SLC24A2: variants seen among roughly 807,000 people sequenced by gnomAD.
SLC24A2 encodes the protein sodium/potassium/calcium exchanger 2.
Under a neutral mutation model 62.0 loss-of-function variants are expected in SLC24A2, and 36 were observed. That is an observed-to-expected ratio of 0.58 (90% confidence interval 0.44 to 0.77). The LOEUF (loss-of-function observed/expected upper bound fraction) is 0.77, where lower values mean the gene tolerates loss of function less well. SLC24A2 is among the 30% of genes least tolerant of loss of function. The pLI is 0.00. For synonymous variants in SLC24A2, 358 were observed against 294.0 expected (o/e 1.22, Z -2.23); for missense variants, 846 against 817.9 (o/e 1.03, Z -0.42).
intron 4 of SLC24A2, among the ~76,000 whole-genome samples, chr9:19,604,971 T>C (rs1308125879): frequency 6.6e-6 from 1 of 152,242 alleles, no homozygotes; most frequent in African/African-American, 2.4e-5. Context: ...CTGTTGTAAG[T>C]ATAAATCCAT....
At chr9:19,947,810 AAGAAAGAAAGAAAGAAAG>A in the SLC24A2 span, among the ~76,000 whole-genome samples, 1 of 97,648 alleles carries the variant, frequency 1.0e-5, no homozygotes, top group Non-Finnish European at 2.4e-5. Flanking sequence ...AAAAAAAAAA[AAGAAAGAAAGAAAGAAAG>A]AAAGAAAGAA....
At chr9:20,082,070 G>A in the SLC24A2 span, among the ~76,000 whole-genome samples, 1 of 152,052 alleles carries the variant, frequency 6.6e-6, no homozygotes, top group African/African-American at 2.4e-5. Context: ...AATTTCATGC[G>A]CTCCATCAAT....
the SLC24A2 span, among the ~76,000 whole-genome samples, chr9:19,818,193 A>G: frequency 3.3e-5 from 5 of 152,170 alleles, no homozygotes; most frequent in East Asian, 9.7e-4. Flanking sequence ...TTCTTGTAAC[A>G]TTCCTCCAGT....
At chr9:20,011,412 T>C in the SLC24A2 span, among the ~76,000 whole-genome samples, 1 of 152,196 alleles carries the variant, frequency 6.6e-6, no homozygotes, top group East Asian at 1.9e-4. Context: ...TGTCTTCTTT[T>C]GAGAAGTGTC....
intron 10 of SLC24A2, among the ~76,000 whole-genome samples, chr9:19,518,839 T>C (rs1462340932): frequency 2.0e-5 from 3 of 152,240 alleles, no homozygotes; most frequent in Admixed American, 6.5e-5. Context: ...TCACTCAGTA[T>C]ATTGTCAAAA....
chr9:19,919,306 T>G, the SLC24A2 span, among the ~76,000 whole-genome samples: 1 of 152,118 alleles, frequency 6.6e-6, no homozygotes, highest in Non-Finnish European at 1.5e-5. Context: ...ACACAGTTAT[T>G]TTTAGAATAT....
chr9:19,990,196 A>C, the SLC24A2 span, among the ~76,000 whole-genome samples: 1 of 152,178 alleles, frequency 6.6e-6, no homozygotes, highest in African/African-American at 2.4e-5. Context: ...TAGATGAGGA[A>C]ACTGGGGCTT....
the SLC24A2 span, among the ~76,000 whole-genome samples, chr9:19,897,187 T>C: frequency 6.6e-6 from 1 of 152,234 alleles, no homozygotes; most frequent in Non-Finnish European, 1.5e-5. Flanking sequence ...TGCCTTTCCG[T>C]GTGAGTACAA....
In SLC24A2 at chr9:19,760,744, CTTT is replaced by C. The variant is rs754144554; in HGVS notation, c.930+25190_930+25192del. Among the ~76,000 whole-genome samples the C allele has an allele frequency of 2.3e-3, 342 of 151,796 alleles. 3 individuals carry two copies. The highest frequency in any genetic ancestry group is 3.9e-3 in the Non-Finnish European group (262 of 67,912). ...GTATTCCATGGTGTATATGTGCCACCTTTTTTTTAATCCAGCCTAACATTGATG... is the reference window on the plus strand; with the variant it reads ...GTATTCCATGGTGTATATGTGCCACCTTTTTAATCCAGCCTAACATTGATG... On this transcript the variant is annotated intron_variant, in intron 2 of 10. Coordinates refer to ENST00000341998, the MANE Select transcript of SLC24A2 (RefSeq NM_020344.4).
the SLC24A2 span, among the ~76,000 whole-genome samples, chr9:19,940,700 C>T: frequency 6.6e-6 from 1 of 152,196 alleles, no homozygotes; most frequent in Non-Finnish European, 1.5e-5. Flanking sequence ...ATTTGTTGCA[C>T]TCACACTCAA....
intron 10 of SLC24A2, among the ~76,000 whole-genome samples, chr9:19,517,286 C>T (rs1832979829): frequency 6.6e-6 from 1 of 152,250 alleles, no homozygotes; most frequent in Non-Finnish European, 1.5e-5. Context: ...ACCCATCAGC[C>T]TAATGACAGC....
the SLC24A2 span, among the ~76,000 whole-genome samples, chr9:20,166,918 C>G: frequency 1.6e-4 from 25 of 152,050 alleles, no homozygotes; most frequent in African/African-American, 6.0e-4. Flanking sequence ...CATAGCTCAC[C>G]ACAGCCTAAC....
chr9:19,714,169 A>G (rs1359154537), intron 2 of SLC24A2, among the ~76,000 whole-genome samples: 1 of 152,216 alleles, frequency 6.6e-6, no homozygotes, highest in African/African-American at 2.4e-5. Context: ...CTTTTTAATA[A>G]TAGAAAATCT....
intron 9 of SLC24A2, among the ~76,000 whole-genome samples, chr9:19,524,017 A>G (rs190719834): frequency 6.6e-6 from 1 of 152,140 alleles, no homozygotes; most frequent in East Asian, 1.9e-4. Flanking sequence ...TTGTCAAATC[A>G]GTAAAGATGA....
the SLC24A2 span, among the ~76,000 whole-genome samples, chr9:20,251,360 C>T: frequency 6.6e-6 from 1 of 151,150 alleles, no homozygotes; most frequent in African/African-American, 2.4e-5. Flanking sequence ...TTCTCATCCT[C>T]TTTGCAAACA....
At chr9:19,909,331 G>T in the SLC24A2 span, among the ~76,000 whole-genome samples, 2 of 151,972 alleles carry the variant, frequency 1.3e-5, no homozygotes, top group East Asian at 1.9e-4. Flanking sequence ...GGGGCCTGTT[G>T]TGGGGGACGG....
chr9:19,932,250 T>C, the SLC24A2 span, among the ~76,000 whole-genome samples: 1 of 152,318 alleles, frequency 6.6e-6, no homozygotes, highest in African/African-American at 2.4e-5. Context: ...GGTGAGAGTG[T>C]GTTGGGTAGA....
At chr9:20,097,094 A>G in the SLC24A2 span, among the ~76,000 whole-genome samples, 3 of 152,178 alleles carry the variant, frequency 2.0e-5, no homozygotes, top group Non-Finnish European at 4.4e-5. Context: ...CCTATAATAA[A>G]TATTCCTCCA....
chr9:19,726,279 A>G (rs577066090), intron 2 of SLC24A2, among the ~76,000 whole-genome samples: 1 of 152,354 alleles, frequency 6.6e-6, no homozygotes, highest in South Asian at 2.1e-4. Flanking sequence ...AATTGCCTGG[A>G]AAGGAATATA....
Sources: allele counts gnomAD v4.1 joint callset (sites outside exome capture counted in the v4.1 genomes callset), GRCh38; gene constraint gnomAD v4.1.1; transcripts MANE v1.5; gene names NCBI Gene and HGNC (gene_info 2026-07-23, HGNC 2026-07-21).